CNTN3: variants seen among roughly 807,000 people sequenced by gnomAD.
CNTN3 encodes the protein contactin-3.
CNTN3 carries 60 observed loss-of-function variants against 119.1 expected under a neutral mutation model. The observed-to-expected ratio is 0.50, with a 90% CI of 0.41 to 0.62. The LOEUF (loss-of-function observed/expected upper bound fraction) is 0.62, where lower values mean the gene tolerates loss of function less well. Ranked by LOEUF, CNTN3 falls within the 20% of genes least tolerant of loss-of-function variation. The pLI is 0.00. For missense variants in CNTN3, 1,101 were observed against 1,242.4 expected, an observed-to-expected ratio of 0.89 and a Z score of 1.71; for synonymous variants, 450 against 438.7, an observed-to-expected ratio of 1.03 and a Z score of -0.32.
intron 1 of CNTN3, among the ~76,000 whole-genome samples, chr3:74,558,551 A>G (rs529173895): frequency 1.3e-5 from 2 of 152,334 alleles, no homozygotes; most frequent in East Asian, 1.9e-4. Flanking sequence ...AGAACAGCAT[A>G]GAGATGGTCT....
Position 74,371,285 on chromosome 3 carries a change from T to A in CNTN3, c.569A>T (p.Asp190Val). Reference sequence around the variant, plus strand: ...CACCACACATGTGTAATTTCCCACATCAGACGGCTCCACCTTAGATATGTA... The same window carrying A: ...CACCACACATGTGTAATTTCCCACAACAGACGGCTCCACCTTAGATATGTA... The part of the protein sequence containing the change: ...HLYISKVEPS[D>V]VGNYTCVVTS... Residue 190 changes from aspartate to valine, a missense_variant, in exon 6 of 23, where the codon GAT (aspartate) becomes GTT (valine). Coordinates refer to ENST00000263665, the MANE Select transcript of CNTN3 (RefSeq NM_020872.3). The A allele has an allele frequency of 6.2e-7, 1 of 1,613,474 alleles. No individual in the cohort carries two copies. The highest frequency in any genetic ancestry group is 8.5e-7 in the Non-Finnish European group (1 of 1,179,666).
chr3:74,322,109 C>A (rs2106675104), intron 13 of CNTN3, among the ~76,000 whole-genome samples: 1 of 150,958 alleles, frequency 6.6e-6, no homozygotes, highest in Non-Finnish European at 1.5e-5. Context: ...TTGCTTGAAC[C>A]CAGGAGGCAG....
In CNTN3 at chr3:74,344,397, G is replaced by GTTTTTTTTTTTTTTTT. The variant is rs1156579949; in HGVS notation, c.1365-7755_1365-7740dup. 2.8e-4 allele frequency among the ~76,000 whole-genome samples: 9 copies of GTTTTTTTTTTTTTTTT among 32,622 alleles called. 1 individual carries two copies. The highest frequency in any genetic ancestry group is 6.5e-4 in the Non-Finnish European group (9 of 13,922). 21.4% of individuals were successfully genotyped at this position (32,622 alleles called of 152,430 possible). ...AGTTCATTTACAACCTTACACAGTG[G>GTTTTTTTTTTTTTTTT]TTTTTTTTTTTTTTTTTTTTTTTTT... On this transcript the variant is annotated intron_variant, in intron 11 of 22. Coordinates refer to ENST00000263665, the MANE Select transcript of CNTN3 (RefSeq NM_020872.3).
At chr3:74,426,602 T>C (rs920229452) in intron 4 of CNTN3, among the ~76,000 whole-genome samples, 3 of 152,140 alleles carry the variant, frequency 2.0e-5, no homozygotes, top group Non-Finnish European at 4.4e-5. Flanking sequence ...AGTAAAGTGA[T>C]TCAGCAAAAC....
At chr3:74,476,066 G>A (rs1465495791) in intron 4 of CNTN3, among the ~76,000 whole-genome samples, 1 of 152,106 alleles carries the variant, frequency 6.6e-6, no homozygotes, top group African/African-American at 2.4e-5. Context: ...CATGCCCTAC[G>A]GAGAAAATAT....
At chr3:74,538,066 G>A (rs1227955177) in intron 1 of CNTN3, among the ~76,000 whole-genome samples, 1 of 152,040 alleles carries the variant, frequency 6.6e-6, no homozygotes, top group African/African-American at 2.4e-5. Context: ...AATGTGACAG[G>A]ATACCTGGGG....
intron 11 of CNTN3, among the ~76,000 whole-genome samples, chr3:74,360,473 C>A (rs1037814846): frequency 1.3e-5 from 2 of 152,080 alleles, no homozygotes; most frequent in African/African-American, 4.8e-5. Context: ...TCATTAGCTG[C>A]AGAAATATTT....
At chr3:74,511,662 CCT>C (rs1703366934) in intron 2 of CNTN3, among the ~76,000 whole-genome samples, 1 of 151,934 alleles carries the variant, frequency 6.6e-6, no homozygotes, top group Non-Finnish European at 1.5e-5. Context: ...AAGTGAGACC[CCT>C]GTCTCTAAAA....
chr3:74,341,550 C>T (rs1703547231), intron 11 of CNTN3, among the ~76,000 whole-genome samples: 1 of 152,026 alleles, frequency 6.6e-6, no homozygotes, highest in South Asian at 2.1e-4. Context: ...TTTATTTGTA[C>T]CTTTTTATTG....
At chr3:74,571,843 T>C (rs928479670) in intron 1 of CNTN3, among the ~76,000 whole-genome samples, 4 of 152,202 alleles carry the variant, frequency 2.6e-5, no homozygotes, top group Non-Finnish European at 4.4e-5. Flanking sequence ...TCACTTTTCT[T>C]GTCCAACTAC....
intron 10 of CNTN3, among the ~76,000 whole-genome samples, chr3:74,362,586 T>C (rs559437095): frequency 1.2e-4 from 18 of 152,290 alleles, no homozygotes; most frequent in African/African-American, 4.3e-4. Context: ...TGCTATAATA[T>C]TGCATGAAGT....
intron 7 of CNTN3, 146 bp downstream of exon 7, chr3:74,369,743 G>A (rs1704290951): frequency 1.8e-6 from 1 of 570,602 alleles, no homozygotes; most frequent in Non-Finnish European, 3.1e-6. Flanking sequence ...TTTTATATGT[G>A]CATTTCCCCT....
intron 12 of CNTN3, among the ~76,000 whole-genome samples, chr3:74,335,292 C>T (rs1054541440): frequency 6.6e-6 from 1 of 152,084 alleles, no homozygotes; most frequent in African/African-American, 2.4e-5. Flanking sequence ...CTAGAAATTA[C>T]ATCACCATCA....
At chr3:74,578,872 G>T (rs1704458045) in intron 1 of CNTN3, among the ~76,000 whole-genome samples, 2 of 151,886 alleles carry the variant, frequency 1.3e-5, no homozygotes, top group Non-Finnish European at 2.9e-5. Context: ...ACATTCATTG[G>T]TCTATGTATA....
chr3:74,271,253 C>A (rs1425717171), intron 20 of CNTN3, among the ~76,000 whole-genome samples: 1 of 151,892 alleles, frequency 6.6e-6, no homozygotes, highest in Non-Finnish European at 1.5e-5. Flanking sequence ...CATCCACGGG[C>A]AGTTACGATA....
intron 1 of CNTN3, among the ~76,000 whole-genome samples, chr3:74,598,709 C>T (rs1373239637): frequency 1.3e-5 from 2 of 151,972 alleles, no homozygotes; most frequent in East Asian, 1.9e-4. Context: ...ACATCTACTA[C>T]ATATAAGGCA....
intron 5 of CNTN3, among the ~76,000 whole-genome samples, chr3:74,380,649 G>A (rs1240158606): frequency 6.6e-6 from 1 of 152,150 alleles, no homozygotes; most frequent in African/African-American, 2.4e-5. Context: ...TAGTGCTTCT[G>A]GTTTATCATT....
chr3:74,414,491 G>C (rs1016007732), intron 5 of CNTN3, among the ~76,000 whole-genome samples: 1 of 152,064 alleles, frequency 6.6e-6, no homozygotes, highest in Non-Finnish European at 1.5e-5. Context: ...TCAAAGTATG[G>C]CTTAAAAACC....
At chr3:74,471,592 T>A (rs1340800313) in intron 4 of CNTN3, among the ~76,000 whole-genome samples, 1 of 152,182 alleles carries the variant, frequency 6.6e-6, no homozygotes, top group African/African-American at 2.4e-5. Context: ...CTAAAGTGCT[T>A]GGAATATGAT....
Sources: gnomAD v4.1 joint callset for allele counts (sites outside exome capture counted in the v4.1 genomes callset) on GRCh38, gnomAD v4.1.1 for gene constraint, MANE v1.5 for transcripts, NCBI Gene and HGNC (gene_info 2026-07-23, HGNC 2026-07-21) for gene names.